The following LINGO2 variants were observed in gnomAD, a reference collection of about 807,000 sequenced individuals.
The protein encoded by LINGO2 is leucine rich repeat and Ig domain containing 2, also known as leucine-rich repeat and immunoglobulin-like domain-containing nogo receptor-interacting protein 2.
Under a neutral mutation model 30.6 loss-of-function variants are expected in LINGO2, and 14 were observed. That is an observed-to-expected ratio of 0.46 (90% CI 0.30 to 0.72). The LOEUF is 0.72. LINGO2 is among the 30% of genes least tolerant of loss of function. The pLI is 0.07. For synonymous variants in LINGO2, 317 were observed against 288.5 expected (o/e 1.10, Z -1.00); for missense variants, 729 against 751.7 (o/e 0.97, Z 0.35).
At chr9:29,043,984 G>T in the LINGO2 span, among the ~76,000 whole-genome samples, 1 of 151,978 alleles carries the variant, frequency 6.6e-6, no homozygotes, top group African/African-American at 2.4e-5. Context: ...TCTTTTGACT[G>T]CCAATGAAAG....
rs144743055 is a variant in LINGO2, at chr9:27,949,699, C to T, written c.973G>A (p.Val325Met). 74 of 1,613,980 alleles carry T rather than the reference C, an allele frequency of 4.6e-5. No homozygotes were observed. The African/African-American group carries it at 7.5e-4, about 16-fold the overall frequency. The change falls in exon 6 of 6, where the codon GTG becomes ATG. Residue 325 changes from valine (V) to methionine (M), a missense_variant. By Grantham distance (21) the Val-to-Met change is conservative. Transcript: ENST00000379992. ...AGCAGGTTCTGAGACACATTGAGCA[C>T]GCGTAGGAAGCGGAGCCCTTGGAAG... is the stretch of plus-strand genomic sequence containing the variant.
chr9:28,944,839 A>C, the LINGO2 span, among the ~76,000 whole-genome samples: 1 of 152,288 alleles, frequency 6.6e-6, no homozygotes, highest in South Asian at 2.1e-4. Flanking sequence ...GGTAAAAAAC[A>C]AGAATGTTTT....
At chr9:28,466,752 T>TA (rs925385839) in intron 2 of LINGO2, among the ~76,000 whole-genome samples, 6 of 152,068 alleles carry the variant, frequency 3.9e-5, no homozygotes, top group Admixed American at 1.3e-4. Flanking sequence ...AATTATAAAT[T>TA]AAAAAAAGAC....
intron 1 of LINGO2, among the ~76,000 whole-genome samples, chr9:28,503,742 A>G (rs1244358394): frequency 6.6e-6 from 1 of 151,972 alleles, no homozygotes; most frequent in Non-Finnish European, 1.5e-5. Flanking sequence ...TTCCATGGGA[A>G]AACTCCGCCT....
chr9:28,434,154 AC>A (rs1262717842), intron 2 of LINGO2, among the ~76,000 whole-genome samples: 6 of 151,610 alleles, frequency 4.0e-5, no homozygotes, highest in Admixed American at 6.6e-5. Flanking sequence ...AGCTATGAGG[AC>A]TGCAAAGGCA....
At chr9:28,822,846 T>C in the LINGO2 span, among the ~76,000 whole-genome samples, 1 of 152,134 alleles carries the variant, frequency 6.6e-6, no homozygotes, top group Non-Finnish European at 1.5e-5. Context: ...CCCTGACTAA[T>C]ACATACTGAA....
chr9:29,119,221 G>A, the LINGO2 span, among the ~76,000 whole-genome samples: 1 of 152,148 alleles, frequency 6.6e-6, no homozygotes, highest in Non-Finnish European at 1.5e-5. Flanking sequence ...AAAAGCTTCT[G>A]CATGGCAAAG....
Position 28,474,727 on chromosome 9 carries a change from G to A in LINGO2, c.-279+1213C>T, listed in dbSNP as rs139700542. Reference sequence around the variant, plus strand: ...GACTAGGAGATGGAAAATCTAGATTGAGTGTTTCACTTGCATCACATGAGT... The same window carrying A: ...GACTAGGAGATGGAAAATCTAGATTAAGTGTTTCACTTGCATCACATGAGT... On this transcript the variant is annotated intron_variant, in intron 2 of 5. Coordinates refer to ENST00000379992, the Ensembl canonical transcript of LINGO2. 2.2e-4 allele frequency among the ~76,000 whole-genome samples: 34 copies of A among 152,280 alleles called. No individual in the cohort carries two copies. In the East Asian group the frequency reaches 6.4e-3, roughly 29 times the overall value.
chr9:28,093,689 G>C (rs183621615), intron 4 of LINGO2, among the ~76,000 whole-genome samples: 19 of 152,112 alleles, frequency 1.2e-4, no homozygotes, highest in Non-Finnish European at 2.5e-4. Context: ...TGAAGATGCA[G>C]TGTGCTGCTA....
At chr9:28,990,793 T>G in the LINGO2 span, among the ~76,000 whole-genome samples, 1 of 152,052 alleles carries the variant, frequency 6.6e-6, no homozygotes, top group South Asian at 2.1e-4. Context: ...GCAGCTGAGG[T>G]TCCTGTCTGT....
chr9:28,933,963 C>A, the LINGO2 span, among the ~76,000 whole-genome samples: 3 of 152,066 alleles, frequency 2.0e-5, no homozygotes, highest in Non-Finnish European at 4.4e-5. Flanking sequence ...AACATATTTT[C>A]TTTTGAAGAG....
chr9:28,949,016 C>A, the LINGO2 span, among the ~76,000 whole-genome samples: 1 of 152,128 alleles, frequency 6.6e-6, no homozygotes, highest in East Asian at 1.9e-4. Context: ...AGACTTTGAA[C>A]AATGAAAGTT....
chr9:28,263,209 G>T (rs1213868285), intron 4 of LINGO2, among the ~76,000 whole-genome samples: 1 of 151,978 alleles, frequency 6.6e-6, no homozygotes, highest in Admixed American at 6.6e-5. Flanking sequence ...ACAGGAAGGA[G>T]TCTCCTGCAA....
At chr9:29,188,812 G>T in the LINGO2 span, among the ~76,000 whole-genome samples, 1 of 140,446 alleles carries the variant, frequency 7.1e-6, no homozygotes, top group Non-Finnish European at 1.5e-5. Context: ...CGGACAGGGC[G>T]GCTGGCCAGG....
chr9:28,356,076 T>C (rs1328331634), intron 3 of LINGO2, among the ~76,000 whole-genome samples: 4 of 152,170 alleles, frequency 2.6e-5, no homozygotes, highest in Non-Finnish European at 5.9e-5. Context: ...TATGGAATTA[T>C]CTCCAGAAGA....
chr9:28,905,742 CATT>C, the LINGO2 span, among the ~76,000 whole-genome samples: 2 of 151,944 alleles, frequency 1.3e-5, no homozygotes, highest in African/African-American at 2.4e-5. Context: ...TCATAGAAAA[CATT>C]ATGAAAATTT....
chr9:28,367,571 G>A (rs1375884436), intron 3 of LINGO2, among the ~76,000 whole-genome samples: 3 of 151,952 alleles, frequency 2.0e-5, no homozygotes, highest in Non-Finnish European at 4.4e-5. Flanking sequence ...ATTGCTCCAT[G>A]GAATTCTAGC....
At chr9:28,123,144 A>C (rs952713573) in intron 4 of LINGO2, among the ~76,000 whole-genome samples, 3 of 152,234 alleles carry the variant, frequency 2.0e-5, no homozygotes, top group Non-Finnish European at 4.4e-5. Context: ...GGATTGAATA[A>C]CGGTGAATGG....
At chr9:28,732,224 C>A in the LINGO2 span, among the ~76,000 whole-genome samples, 1 of 152,000 alleles carries the variant, frequency 6.6e-6, no homozygotes, top group Non-Finnish European at 1.5e-5. Flanking sequence ...GATCTGCAGA[C>A]CCTATTTAAA....
Sources: gnomAD v4.1 joint callset for allele counts (sites outside exome capture counted in the v4.1 genomes callset) on GRCh38, gnomAD v4.1.1 for gene constraint, MANE v1.5 for transcripts, NCBI Gene and HGNC (gene_info 2026-07-23, HGNC 2026-07-21) for gene names.